Variants in TTC39C observed in about 807,000 individuals in gnomAD.
TTC39C encodes tetratricopeptide repeat protein 39C.
TTC39C carries 33 observed loss-of-function variants against 76.3 expected under a neutral mutation model. The ratio of observed to expected loss-of-function variants is 0.43; its 90% CI spans 0.33 to 0.58. The LOEUF is 0.58. Among genes scored for constraint, TTC39C ranks in the 20% least tolerant of loss-of-function variants. The pLI, the probability that TTC39C is intolerant of heterozygous loss-of-function variation, is 0.04. For synonymous variants in TTC39C, 254 were observed against 260.6 expected (o/e 0.97, Z 0.24); for missense variants, 595 against 701.4 (o/e 0.85, Z 1.71).
At chr18:24,014,712 C>T, upstream of TTC39C, 2 of 1,087,910 alleles carry the variant, frequency 1.8e-6, no homozygotes, top group Non-Finnish European at 2.3e-6. Flanking sequence ...CCTCCCTCCG[C>T]GGTCCTTCCC....
Position 24,132,691 on chromosome 18 carries a change from G to C in TTC39C, c.*117G>C. The C allele has an allele frequency of 1.4e-6, 1 of 732,956 alleles. No individual in the cohort carries two copies. Among genetic ancestry groups the C allele is most frequent in the Non-Finnish European group, 2.2e-6 (1 of 460,216 alleles). The allele number at this position is 732,956 out of a possible 1,614,324, so 45.4% of individuals were successfully genotyped here. A position where few individuals can be genotyped will look rare whatever the true frequency, so the allele number is the denominator to read the frequency against. On this transcript the variant is annotated 3_prime_UTR_variant, in exon 14 of 14. Transcript: ENST00000317571. ...TCTTCTGAAAACCACCTGTGCCAGG[G>C]ACACATTTTCCCAGTTAAGCTGACA... is the stretch of plus-strand genomic sequence containing the variant.
At chr18:24,019,872 G>A in intron 1 of TTC39C, 1 of 1,526,494 alleles carries the variant, frequency 6.6e-7, no homozygotes. Flanking sequence ...AAAGTTTTTT[G>A]ACTTCTGAGA....
At position 24,045,908 on chromosome 18, in the gene TTC39C, TA is replaced by T. The variant is rs2083866551; in HGVS notation, c.168-18231del. Among the ~76,000 whole-genome samples the T allele has an allele frequency of 4.5e-3, 172 of 38,472 alleles. 3 individuals are homozygous for T. In the East Asian group the frequency reaches 0.046, roughly 10 times the overall value. 25.2% of individuals were successfully genotyped at this position (38,472 alleles called of 152,430 possible). On this transcript the variant is annotated intron_variant, in intron 1 of 13. Coordinates refer to ENST00000317571, the MANE Select transcript of TTC39C (RefSeq NM_001135993.2). Reference sequence around the variant, plus strand: ...TTCTGTGAAAATATATATATATATATATATATATATATATATATATTTTTTT... The same window carrying T: ...TTCTGTGAAAATATATATATATATATTATATATATATATATATATTTTTTT...
At chr18:24,030,555 C>A (rs2083654861) in intron 1 of TTC39C, among the ~76,000 whole-genome samples, 1 of 150,056 alleles carries the variant, frequency 6.7e-6, no homozygotes, top group Admixed American at 6.6e-5. Context: ...GAATGGGGGT[C>A]AAGTTGGTCA....
chr18:24,000,876 C>T (rs2083306099), intron 1 of TTC39C, among the ~76,000 whole-genome samples: 1 of 152,122 alleles, frequency 6.6e-6, no homozygotes, highest in Non-Finnish European at 1.5e-5. Context: ...GTGAAGTAAA[C>T]AGAGACTGTC....
intron 1 of TTC39C, among the ~76,000 whole-genome samples, chr18:24,026,362 A>C (rs1439099130): frequency 6.6e-6 from 1 of 152,234 alleles, no homozygotes; most frequent in Non-Finnish European, 1.5e-5. Context: ...CTAAATCTCC[A>C]TGAATCAGGG....
At chr18:24,050,121 C>T (rs542983456) in intron 1 of TTC39C, among the ~76,000 whole-genome samples, 8 of 152,186 alleles carry the variant, frequency 5.3e-5, no homozygotes, top group East Asian at 1.9e-4. Flanking sequence ...AGCCCCCAGT[C>T]GCCAATGCCT....
intron 8 of TTC39C, among the ~76,000 whole-genome samples, chr18:24,121,301 G>A (rs536538332): frequency 3.9e-5 from 6 of 152,182 alleles, no homozygotes; most frequent in East Asian, 1.9e-4. Flanking sequence ...GGCTGGGGGC[G>A]GTGGCTCACC....
chr18:24,090,502 G>C (rs2084503172), intron 6 of TTC39C, among the ~76,000 whole-genome samples: 2 of 152,036 alleles, frequency 1.3e-5, no homozygotes, highest in South Asian at 4.1e-4. Context: ...TCTCAGTATT[G>C]TTAAGATGGC....
chr18:24,040,926 TAC>T (rs913447085), intron 1 of TTC39C, among the ~76,000 whole-genome samples: 6 of 152,188 alleles, frequency 3.9e-5, no homozygotes, highest in Non-Finnish European at 1.5e-5. Context: ...CTAAAACAGT[TAC>T]AAAGAGAAAA....
intron 4 of TTC39C, among the ~76,000 whole-genome samples, chr18:24,074,122 T>C (rs1485399688): frequency 1.3e-5 from 2 of 152,224 alleles, no homozygotes; most frequent in Non-Finnish European, 2.9e-5. Flanking sequence ...AGTAAATAAA[T>C]TCTAATTCAG....
At chr18:24,063,887 C>T (rs1267255383) in intron 1 of TTC39C, among the ~76,000 whole-genome samples, 1 of 152,136 alleles carries the variant, frequency 6.6e-6, no homozygotes, top group African/African-American at 2.4e-5. Flanking sequence ...AAGGCAGTGT[C>T]TGTTATAATT....
intron 1 of TTC39C, among the ~76,000 whole-genome samples, chr18:24,024,346 C>T (rs2083571510): frequency 6.6e-6 from 1 of 151,838 alleles, no homozygotes; most frequent in Non-Finnish European, 1.5e-5. Context: ...CTCAGCACAC[C>T]TTTATCCGAT....
intron 6 of TTC39C, among the ~76,000 whole-genome samples, chr18:24,106,447 G>A (rs1322828538): frequency 1.3e-5 from 2 of 152,100 alleles, no homozygotes; most frequent in Non-Finnish European, 2.9e-5. Context: ...GGCTGCAGGC[G>A]GGGTGGGTGG....
rs1488836654 is a variant in TTC39C, at chr18:24,133,890, C to T, written c.*1316C>T. 1 of 148,094 alleles carries T rather than the reference C, an allele frequency of 6.8e-6. No homozygotes were observed. 9.2% of individuals were successfully genotyped at this position (148,094 alleles called of 1,614,324 possible). Reference sequence around the variant, plus strand: ...ATCGTTTATTTACAAATTCTTTTGGCTGAAACATGATCTCATATTAATATT... The same window carrying T: ...ATCGTTTATTTACAAATTCTTTTGGTTGAAACATGATCTCATATTAATATT... On this transcript the variant is annotated 3_prime_UTR_variant, in exon 14 of 14. Coordinates refer to ENST00000317571, the MANE Select transcript of TTC39C (RefSeq NM_001135993.2).
chr18:24,060,387 G>A lies in TTC39C; in HGVS notation c.168-3753G>A, dbSNP rs552658802. Among the ~76,000 whole-genome samples the A allele has an allele frequency of 5.6e-5, 8 of 141,954 alleles. No individual in the cohort carries two copies. The South Asian group carries it at 6.8e-4, about 12-fold the overall frequency. The allele number at this position is 141,954 out of a possible 152,430, so 93.1% of individuals were successfully genotyped here. Reference sequence around the variant, plus strand: ...GGCTGAAGTGCAGTGGCGCGATCTCGGCTCACTGCAGCTTCTGCCACTCAG... The same window carrying A: ...GGCTGAAGTGCAGTGGCGCGATCTCAGCTCACTGCAGCTTCTGCCACTCAG... On this transcript the variant is annotated intron_variant, in intron 1 of 13. Transcript: ENST00000317571.
chr18:24,054,563 C>T (rs2083992895), intron 1 of TTC39C, among the ~76,000 whole-genome samples: 1 of 152,118 alleles, frequency 6.6e-6, no homozygotes, highest in Admixed American at 6.5e-5. Flanking sequence ...TTGCCCTTCA[C>T]AACAATTTTT....
chr18:24,125,849 G>A (rs1026068412), intron 10 of TTC39C, among the ~76,000 whole-genome samples: 19 of 152,108 alleles, frequency 1.2e-4, no homozygotes, highest in Non-Finnish European at 2.6e-4. Context: ...TTTTCTCCCC[G>A]AGAGTACTTT....
chr18:24,057,264 A>G (rs114835960), intron 1 of TTC39C, among the ~76,000 whole-genome samples: 226 of 152,346 alleles, frequency 1.5e-3, no homozygotes, highest in African/African-American at 5.1e-3. Flanking sequence ...ACACCGAAAA[A>G]AAGAATACTA....
Sources: gnomAD v4.1 joint callset for allele counts (sites outside exome capture counted in the v4.1 genomes callset) on GRCh38, gnomAD v4.1.1 for gene constraint, MANE v1.5 for transcripts, NCBI Gene and HGNC (gene_info 2026-07-23, HGNC 2026-07-21) for gene names.